Variants in TENM4 observed in about 807,000 individuals in gnomAD.
The protein encoded by TENM4 is teneurin-4.
A neutral mutation model predicts 243.3 loss-of-function variants in TENM4; 82 were observed. The ratio of observed to expected loss-of-function variants is 0.34; its 90% CI spans 0.28 to 0.40. TENM4 has a LOEUF of 0.40. TENM4 is among the 10% of genes least tolerant of loss of function. The pLI is 1.00. For missense variants in TENM4, 3,138 were observed against 3,673.3 expected (o/e 0.85, Z 3.77); for synonymous variants, 1,412 against 1,456.3 (o/e 0.97, Z 0.69).
At chr11:78,806,758 A>G (rs2136088652) in intron 14 of TENM4, among the ~76,000 whole-genome samples, 1 of 152,298 alleles carries the variant, frequency 6.6e-6, no homozygotes, top group East Asian at 1.9e-4. Context: ...AGTGGTGTTA[A>G]GGACATGGAT....
At chr11:78,754,556 G>T (rs560034098) in intron 19 of TENM4, among the ~76,000 whole-genome samples, 1 of 152,260 alleles carries the variant, frequency 6.6e-6, no homozygotes, top group African/African-American at 2.4e-5. Context: ...GCCCCGTAAA[G>T]AATGACTGAG....
intron 6 of TENM4, among the ~76,000 whole-genome samples, chr11:79,007,661 T>G (rs957087749): frequency 2.0e-5 from 3 of 152,166 alleles, no homozygotes; most frequent in African/African-American, 7.2e-5. Flanking sequence ...CCCACCTGTC[T>G]AGGGGCAGAC....
At chr11:79,055,576 A>C (rs1859921593) in intron 6 of TENM4, among the ~76,000 whole-genome samples, 1 of 152,196 alleles carries the variant, frequency 6.6e-6, no homozygotes, top group Admixed American at 6.5e-5. Context: ...TTGCTGAGCT[A>C]TAAAATTTAT....
intron 25 of TENM4, 148 bp downstream of exon 25, chr11:78,720,222 T>C: frequency 1.1e-6 from 1 of 895,164 alleles, no homozygotes; most frequent in Non-Finnish European, 1.8e-6. Flanking sequence ...ATTAATGACT[T>C]CCTCCCATTG....
intron 2 of TENM4, among the ~76,000 whole-genome samples, chr11:79,268,523 T>C (rs1307614786): frequency 6.6e-6 from 1 of 152,202 alleles, no homozygotes; most frequent in Non-Finnish European, 1.5e-5. Flanking sequence ...TCAGTCCTTA[T>C]TATTCATGGA....
chr11:79,359,812 T>C (rs1294421027), intron 1 of TENM4, among the ~76,000 whole-genome samples: 3 of 152,148 alleles, frequency 2.0e-5, no homozygotes, highest in Admixed American at 6.5e-5. Context: ...TATGAGGTGG[T>C]ATCCCCAGAG....
chr11:78,864,388 C>T (rs2136226682), intron 9 of TENM4, among the ~76,000 whole-genome samples: 1 of 139,992 alleles, frequency 7.1e-6, no homozygotes, highest in East Asian at 2.0e-4. Flanking sequence ...GAGCCGAGAT[C>T]CCGCCACTGC....
chr11:79,280,856 C>A (rs1007271702), intron 2 of TENM4, among the ~76,000 whole-genome samples: 17 of 152,206 alleles, frequency 1.1e-4, no homozygotes, highest in Admixed American at 1.1e-3. Context: ...TGCCTGCTCC[C>A]TTAGGGAAGC....
In TENM4 at chr11:78,701,748, G is replaced by C; in HGVS notation, c.4865C>G (p.Thr1622Arg). The C allele has an allele frequency of 6.2e-7, 1 of 1,614,018 alleles. No homozygotes were observed. The highest frequency in any genetic ancestry group is 8.5e-7 in the Non-Finnish European group (1 of 1,179,898). The part of the protein sequence containing the change: ...YTGDGDITLI[T>R]DNNGNMVNVR... The stretch of plus-strand genomic sequence containing the variant: ...ATTTACCATGTTGCCATTGTTGTCT[G>C]TGATGAGTGTGATGTCGCCGTCCCC... Residue 1622 changes from threonine to arginine, a missense_variant, in exon 28 of 34, where the codon ACA (threonine) becomes AGA (arginine). Around this residue, in one of 2 missense-constraint regions of TENM4, gnomAD observed 2,467 missense variants for 3,059.1 expected, o/e 0.81. Transcript: ENST00000278550.
At chr11:78,691,195 G>A (rs1858813194) in intron 28 of TENM4, among the ~76,000 whole-genome samples, 1 of 152,188 alleles carries the variant, frequency 6.6e-6, no homozygotes, top group South Asian at 2.1e-4. Flanking sequence ...TTTGGACTGT[G>A]AGTGCTTGAG....
chr11:79,262,421 G>A lies in TENM4; in HGVS notation c.-265+35067C>T, dbSNP rs144334282. On this transcript the variant is annotated intron_variant, in intron 2 of 33. Coordinates refer to ENST00000278550, the MANE Select transcript of TENM4 (RefSeq NM_001098816.3). ...ATTCAACAAAAAACATCTGGCTCAG[G>A]GTAGGGAGCCCCAAAGGAAGTGGAC... 5.3e-3 allele frequency among the ~76,000 whole-genome samples: 802 copies of A among 152,272 alleles called. 6 individuals carry two copies. Among genetic ancestry groups the A allele is most frequent in the Middle Eastern group, 6.8e-3 (2 of 294 alleles).
chr11:79,109,495 A>T (rs1247225593), intron 4 of TENM4, among the ~76,000 whole-genome samples: 1 of 152,104 alleles, frequency 6.6e-6, no homozygotes, highest in African/African-American at 2.4e-5. Flanking sequence ...CAGGAGACAG[A>T]TAGAAGTGAG....
chr11:79,136,055 A>G (rs758816869), intron 4 of TENM4, among the ~76,000 whole-genome samples: 54 of 151,952 alleles, frequency 3.6e-4, no homozygotes, highest in Non-Finnish European at 6.5e-4. Context: ...GGTTGGGGGC[A>G]AGGGATAAAA....
intron 32 of TENM4, among the ~76,000 whole-genome samples, chr11:78,663,403 C>T (rs1858078142): frequency 6.6e-6 from 1 of 152,140 alleles, no homozygotes; most frequent in Non-Finnish European, 1.5e-5. Context: ...TTGGAGGTGG[C>T]CTAATGGGGG....
At chr11:79,218,216 G>A (rs1864089896) in intron 2 of TENM4, among the ~76,000 whole-genome samples, 1 of 147,268 alleles carries the variant, frequency 6.8e-6, no homozygotes, top group Admixed American at 7.0e-5. Flanking sequence ...TTGTTCATTA[G>A]AAGTTTACCC....
intron 1 of TENM4, among the ~76,000 whole-genome samples, chr11:79,394,200 G>C (rs1258780047): frequency 1.3e-5 from 2 of 152,184 alleles, no homozygotes; most frequent in Admixed American, 6.5e-5. Flanking sequence ...GTTCTCTCCA[G>C]AGCAAGGGTG....
intron 1 of TENM4, among the ~76,000 whole-genome samples, chr11:79,298,759 C>T (rs962541278): frequency 2.3e-4 from 35 of 152,132 alleles, no homozygotes; most frequent in African/African-American, 6.8e-4. Context: ...CAAGGCTCGG[C>T]GAGCCGTCTA....
At chr11:78,932,578 T>G (rs1187959310) in intron 6 of TENM4, among the ~76,000 whole-genome samples, 1 of 152,136 alleles carries the variant, frequency 6.6e-6, no homozygotes, top group Non-Finnish European at 1.5e-5. Context: ...AGCTAAAAAA[T>G]TCTCTGTTGC....
At chr11:78,975,376 C>T (rs546220479) in intron 6 of TENM4, among the ~76,000 whole-genome samples, 4 of 152,056 alleles carry the variant, frequency 2.6e-5, no homozygotes, top group South Asian at 2.1e-4. Flanking sequence ...AGAGAGGAAA[C>T]GCACAAAGCA....
Sources: gnomAD v4.1 joint callset for allele counts (sites outside exome capture counted in the v4.1 genomes callset) on GRCh38, gnomAD v4.1.1 for gene constraint, gnomAD v4.1.1 regional missense constraint, MANE v1.5 for transcripts, NCBI Gene and HGNC (gene_info 2026-07-23, HGNC 2026-07-21) for gene names.